OR52E5: variants seen among roughly 807,000 people sequenced by gnomAD.
OR52E5 encodes the protein olfactory receptor 52E5.
chr11:5,893,648 T>A lies in OR52E5; in HGVS notation c.-228+378T>A, dbSNP rs190207155. Among the ~76,000 whole-genome samples, 353 of 152,178 alleles carry A rather than the reference T, an allele frequency of 2.3e-3. 1 individual carries two copies. Among genetic ancestry groups the A allele is most frequent in the African/African-American group, 8.3e-3 (343 of 41,548 alleles). ...GCTGTGTGGTCTGCTTTTCAAGACCTATGCACCTATGACTAGTTGTTAGGA... is the reference window on the plus strand; with the variant it reads ...GCTGTGTGGTCTGCTTTTCAAGACCAATGCACCTATGACTAGTTGTTAGGA... On this transcript the variant is annotated intron_variant, in intron 1 of 2. Transcript: ENST00000610445.
chr11:5,897,694 T>C (rs1037722566), intron 2 of OR52E5, among the ~76,000 whole-genome samples: 2 of 151,518 alleles, frequency 1.3e-5, no homozygotes, highest in Non-Finnish European at 2.9e-5. Flanking sequence ...CTTGGGAAAT[T>C]TTCATACTGT....
intron 2 of OR52E5, among the ~76,000 whole-genome samples, chr11:5,898,475 T>A (rs1384700450): frequency 2.6e-5 from 4 of 152,234 alleles, no homozygotes; most frequent in African/African-American, 7.2e-5. Flanking sequence ...GTTTTCATTT[T>A]CATTGCATTT....
At chr11:5,899,370 T>C (rs1432937194) in intron 2 of OR52E5, among the ~76,000 whole-genome samples, 2 of 152,154 alleles carry the variant, frequency 1.3e-5, no homozygotes, top group African/African-American at 4.8e-5. Flanking sequence ...GTATCTTCCC[T>C]CCCTTTAGCA....
rs530707539 is a variant in OR52E5, at chr11:5,902,493, G to T, written c.*733G>T. The T allele has an allele frequency of 1.3e-5, 2 of 150,762 alleles. No homozygotes were observed. Among genetic ancestry groups the T allele is most frequent in the African/African-American group, 4.9e-5 (2 of 41,226 alleles). The allele number at this position is 150,762 out of a possible 1,614,324, so 9.3% of individuals were successfully genotyped here. Reference sequence around the variant, plus strand: ...ATCCCAACGCATGGGCCTCTTCATGGACCTCTCAGCTCTTACCTTCGTGAA... The same window carrying T: ...ATCCCAACGCATGGGCCTCTTCATGTACCTCTCAGCTCTTACCTTCGTGAA... On this transcript the variant is annotated 3_prime_UTR_variant, in exon 3 of 3. Coordinates refer to ENST00000610445, the MANE Select transcript of OR52E5 (RefSeq NM_001005166.5).
chr11:5,895,634 G>A lies in OR52E5; in HGVS notation c.-225G>A, dbSNP rs901596041. 1 of 152,162 alleles carries A rather than the reference G, an allele frequency of 6.6e-6. No homozygotes were observed. The highest frequency in any genetic ancestry group is 1.5e-5 in the Non-Finnish European group (1 of 68,020). The allele number at this position is 152,162 out of a possible 1,614,324, so 9.4% of individuals were successfully genotyped here. A position where few individuals can be genotyped will look rare whatever the true frequency, so the allele number is the denominator to read the frequency against. ...TAATCATTGTATTCCACCATTAGCA[G>A]GATGATCATCTTATTGGCATTTATG... On this transcript the variant is annotated splice_region_variant and 5_prime_UTR_variant, in exon 2 of 3. Coordinates refer to ENST00000610445, the MANE Select transcript of OR52E5 (RefSeq NM_001005166.5).
In OR52E5 at chr11:5,901,986, A is replaced by C; in HGVS notation, c.*226A>C. On this transcript the variant is annotated 3_prime_UTR_variant, in exon 3 of 3. Coordinates refer to ENST00000610445, the MANE Select transcript of OR52E5 (RefSeq NM_001005166.5). ...GATACTACAAAATGCCTAAAGAGAA[A>C]CAAAGGCTTTGTAAAAGTTATTGCC... 2.8e-6 allele frequency: 1 copy of C among 358,474 alleles called. No homozygotes were observed. The highest frequency in any genetic ancestry group is 4.1e-5 in the East Asian group (1 of 24,596). The allele number at this position is 358,474 out of a possible 1,614,324, so 22.2% of individuals were successfully genotyped here. A position where few individuals can be genotyped will look rare whatever the true frequency, so the allele number is the denominator to read the frequency against.
chr11:5,897,469 G>A (rs1349525315), intron 2 of OR52E5, among the ~76,000 whole-genome samples: 1 of 152,116 alleles, frequency 6.6e-6, no homozygotes, highest in Non-Finnish European at 1.5e-5. Context: ...ATTATTCTTT[G>A]TTATGGCTGT....
rs1242961355 is a variant in OR52E5 at position 5,901,828 on chromosome 11, C to CAATA, written c.*69_*72dup. On this transcript the variant is annotated 3_prime_UTR_variant, in exon 3 of 3. Transcript: ENST00000610445. ...ACTTCTCTTGCATTCCCACATGAGC[C>CAATA]AATAGCATTATATCCCCTACAACGT... is the stretch of plus-strand genomic sequence containing the variant. 1 of 399,424 alleles carries CAATA rather than the reference C, an allele frequency of 2.5e-6. No individual in the cohort carries two copies. 24.7% of individuals were successfully genotyped at this position (399,424 alleles called of 1,614,324 possible).
rs1226397076 is a variant in OR52E5, at chr11:5,901,120, T to C, written c.344T>C (p.Val115Ala). ...CATATATGCACTGGCCTGGAGTCTG[T>C]GGTACTGACAGTCACGGGCATAGAT... ...TIHICTGLESVVLTVTGIDRY... is the reference protein window; with the variant it reads ...TIHICTGLESAVLTVTGIDRY... Residue 115 changes from valine to alanine, a missense_variant, in exon 3 of 3, where the codon GTG becomes GCG. Coordinates refer to ENST00000610445, the MANE Select transcript of OR52E5 (RefSeq NM_001005166.5). The C allele has an allele frequency of 5.0e-6, 2 of 401,438 alleles. No homozygotes were observed. Among genetic ancestry groups the C allele is most frequent in the East Asian group, 3.6e-5 (1 of 28,100 alleles). The allele number at this position is 401,438 out of a possible 1,614,324, so 24.9% of individuals were successfully genotyped here.
At chr11:5,900,588 AAGTG>A (rs1379707106) in intron 2 of OR52E5, 40 bp from the exon 3 acceptor site, 2 of 389,138 alleles carry the variant, frequency 5.1e-6, no homozygotes, top group African/African-American at 4.1e-5. Flanking sequence ...AAATATTTAA[AAGTG>A]AGAGTGTCTT....
Position 5,895,964 on chromosome 11 carries a change from G to A in OR52E5, c.-146+251G>A, listed in dbSNP as rs560028325. Among the ~76,000 whole-genome samples, 14 of 152,060 alleles carry A rather than the reference G, an allele frequency of 9.2e-5. No homozygotes were observed. The South Asian group carries it at 2.5e-3, about 27-fold the overall frequency. ...CTCAGGAAGGTGAGGCAGGAGAATCGCTTCTACCCAAGTGGTGGAGGTTGC... is the reference window on the plus strand; with the variant it reads ...CTCAGGAAGGTGAGGCAGGAGAATCACTTCTACCCAAGTGGTGGAGGTTGC... On this transcript the variant is annotated intron_variant, in intron 2 of 2. Coordinates refer to ENST00000610445, the MANE Select transcript of OR52E5 (RefSeq NM_001005166.5).
At position 5,901,891 on chromosome 11, in the gene OR52E5, C is replaced by T. The variant is rs1410208116; in HGVS notation, c.*131C>T. 1 of 398,306 alleles carries T rather than the reference C, an allele frequency of 2.5e-6. No individual in the cohort carries two copies. Among genetic ancestry groups the T allele is most frequent in the African/African-American group, 2.1e-5 (1 of 48,602 alleles). The allele number at this position is 398,306 out of a possible 1,614,324, so 24.7% of individuals were successfully genotyped here. A position where few individuals can be genotyped will look rare whatever the true frequency, so the allele number is the denominator to read the frequency against. Reference sequence around the variant, plus strand: ...GTACGGTCTGTTGGAAGTTATAGCTCAAAGATTCCAAAACAATCTCTCTGT... The same window carrying T: ...GTACGGTCTGTTGGAAGTTATAGCTTAAAGATTCCAAAACAATCTCTCTGT... On this transcript the variant is annotated 3_prime_UTR_variant, in exon 3 of 3. Transcript: ENST00000610445.
chr11:5,901,745 T>TTCTTCCATTATTG lies in OR52E5; in HGVS notation c.971_972insTTCCATTATTGTC (p.Val325SerfsTer6). 5.0e-6 allele frequency: 2 copies of TTCTTCCATTATTG among 400,708 alleles called. No individual in the cohort carries two copies. Among genetic ancestry groups the TTCTTCCATTATTG allele is most frequent in the Non-Finnish European group, 8.8e-6 (2 of 226,184 alleles). The allele number at this position is 400,708 out of a possible 1,614,324, so 24.8% of individuals were successfully genotyped here. ...ACCCCAAGAGGATCTTCCACAACAA[T>TTCTTCCATTATTG]TCAGTTAGACAATAATGAGATCATA... On this transcript the variant is annotated frameshift_variant, in exon 3 of 3. Coordinates refer to ENST00000610445, the MANE Select transcript of OR52E5 (RefSeq NM_001005166.5). LOFTEE classifies it high-confidence loss of function.
chr11:5,899,935 T>C (rs1847225874), intron 2 of OR52E5, among the ~76,000 whole-genome samples: 1 of 152,188 alleles, frequency 6.6e-6, no homozygotes, highest in Non-Finnish European at 1.5e-5. Flanking sequence ...GTCCCCAATC[T>C]GAGGCAAGTA....
chr11:5,900,884 G>A lies in OR52E5; in HGVS notation c.108G>A (p.Val36=). 2.5e-6 allele frequency: 1 copy of A among 401,278 alleles called. No individual in the cohort carries two copies. The highest frequency in any genetic ancestry group is 3.6e-5 in the East Asian group (1 of 28,070). 24.9% of individuals were successfully genotyped at this position (401,278 alleles called of 1,614,324 possible). The change falls in exon 3 of 3, where the codon GTG becomes GTA. Residue 36 remains valine (V), a synonymous_variant. Coordinates refer to ENST00000610445, the MANE Select transcript of OR52E5 (RefSeq NM_001005166.5). ...GGATTGGCTTCCCCTTCTTTGCAGT[G>A]TATCTAACAGCCCTTCTAGGGAACA... ...HVWIGFPFFA[V]YLTALLGNII... is the part of the protein sequence containing the mutation.
intron 2 of OR52E5, among the ~76,000 whole-genome samples, chr11:5,897,788 T>C (rs905639944): frequency 7.2e-5 from 11 of 152,212 alleles, no homozygotes; most frequent in African/African-American, 2.4e-4. Context: ...TCTGTTATTT[T>C]TTCACTTTTT....
chr11:5,899,508 T>C (rs1206232879), intron 2 of OR52E5, among the ~76,000 whole-genome samples: 2 of 152,174 alleles, frequency 1.3e-5, no homozygotes, highest in African/African-American at 4.8e-5. Flanking sequence ...TATAGCCAAG[T>C]CATAGGGATA....
chr11:5,895,573 T>C lies in OR52E5; in HGVS notation c.-227-59T>C, dbSNP rs543183142. On this transcript the variant is annotated intron_variant, in intron 1 of 2. Coordinates refer to ENST00000610445, the MANE Select transcript of OR52E5 (RefSeq NM_001005166.5). ...ATATATAACCTCTATTTTTTAATCT[T>C]TGTAAATAGCCATGAATAAATTTAA... is the stretch of plus-strand genomic sequence containing the variant. 21 of 152,342 alleles carry C rather than the reference T, an allele frequency of 1.4e-4. No individual in the cohort carries two copies. In the East Asian group the frequency reaches 2.9e-3, roughly 21 times the overall value. 9.4% of individuals were successfully genotyped at this position (152,342 alleles called of 1,614,324 possible).
At chr11:5,896,297 T>C (rs1379424295) in intron 2 of OR52E5, among the ~76,000 whole-genome samples, 1 of 139,060 alleles carries the variant, frequency 7.2e-6, no homozygotes, top group Non-Finnish European at 1.5e-5. Flanking sequence ...GGCAGGCACC[T>C]GTAGTCCCAG....
Sources: gnomAD v4.1 joint callset for allele counts (sites outside exome capture counted in the v4.1 genomes callset) on GRCh38, gnomAD v4.1.1 for gene constraint, MANE v1.5 for transcripts, NCBI Gene and HGNC (gene_info 2026-07-23, HGNC 2026-07-21) for gene names.